ESRRG: variants seen among roughly 807,000 people sequenced by gnomAD.
ESRRG encodes estrogen-related receptor gamma.
Under a neutral mutation model 44.0 loss-of-function variants are expected in ESRRG, and 13 were observed. The observed-to-expected ratio is 0.30, with a 90% CI of 0.19 to 0.47. ESRRG has a LOEUF of 0.47. Ranked by LOEUF, ESRRG falls within the 20% of genes least tolerant of loss-of-function variation. The pLI, the probability that ESRRG is intolerant of heterozygous loss-of-function variation, is 1.00. For synonymous variants in ESRRG, 215 were observed against 214.6 expected (o/e 1.00, Z -0.02); for missense variants, 395 against 580.6 (o/e 0.68, Z 3.29).
intron 1 of ESRRG, among the ~76,000 whole-genome samples, chr1:217,061,419 G>A (rs958711443): frequency 4.6e-5 from 7 of 152,090 alleles, no homozygotes; most frequent in African/African-American, 1.7e-4. Context: ...AAACCTCACA[G>A]GAGCCATCTT....
chr1:216,709,362 TTCA>T (rs1559347369), intron 1 of ESRRG, among the ~76,000 whole-genome samples: 1 of 150,150 alleles, frequency 6.7e-6, no homozygotes, highest in African/African-American at 2.4e-5. Flanking sequence ...TATATATATA[TTCA>T]ATTTCTCTAA....
intron 3 of ESRRG, among the ~76,000 whole-genome samples, chr1:216,569,772 G>A (rs962275173): frequency 2.6e-5 from 4 of 152,178 alleles, no homozygotes; most frequent in Non-Finnish European, 5.9e-5. Flanking sequence ...GTCTCAAACT[G>A]TTTAGGAAAT....
At chr1:216,890,439 C>T (rs753212874) in intron 2 of ESRRG, among the ~76,000 whole-genome samples, 2 of 152,050 alleles carry the variant, frequency 1.3e-5, no homozygotes, top group Admixed American at 6.6e-5. Context: ...CTATGAGCTG[C>T]GGATGCAAAA....
At chr1:216,960,206 A>T (rs1388356086) in intron 1 of ESRRG, among the ~76,000 whole-genome samples, 1 of 152,044 alleles carries the variant, frequency 6.6e-6, no homozygotes, top group African/African-American at 2.4e-5. Context: ...TGGTGTTTGA[A>T]TTTTCTTTTT....
chr1:217,091,425 A>C (rs998574541), upstream of ESRRG, among the ~76,000 whole-genome samples: 2 of 152,252 alleles, frequency 1.3e-5, no homozygotes, highest in South Asian at 4.1e-4. Flanking sequence ...AGGTCGGATA[A>C]GTTTAATGAA....
At chr1:217,118,825 C>G (rs1446714692) in intron 1 of ESRRG, among the ~76,000 whole-genome samples, 4 of 151,662 alleles carry the variant, frequency 2.6e-5, no homozygotes, top group African/African-American at 9.7e-5. Context: ...GACCCCATCT[C>G]TAGAAAAAAA....
chr1:216,669,316 G>A (rs2074662435), intron 2 of ESRRG, among the ~76,000 whole-genome samples: 1 of 152,164 alleles, frequency 6.6e-6, no homozygotes, highest in Admixed American at 6.5e-5. Context: ...CTACTCATTT[G>A]TCTCAAGAAG....
chr1:216,998,800 T>A lies in ESRRG; in HGVS notation c.-105-59127A>T, dbSNP rs148384672. ...AATATAAATGGATTTATAACACATTTCAACAAATTTATACAATTTATAAAA... is the reference window on the plus strand; with the variant it reads ...AATATAAATGGATTTATAACACATTACAACAAATTTATACAATTTATAAAA... On this transcript the variant is annotated intron_variant, in intron 1 of 7. Coordinates refer to the ESRRG transcript ENST00000359162. 1.6e-3 allele frequency among the ~76,000 whole-genome samples: 242 copies of A among 152,340 alleles called. 1 individual carries two copies. The highest frequency in any genetic ancestry group is 5.7e-3 in the African/African-American group (236 of 41,596).
intron 5 of ESRRG, among the ~76,000 whole-genome samples, chr1:216,542,419 A>G (rs10863250): frequency 0.46 from 70,511 of 151,714 alleles, 17,094 homozygotes; most frequent in African/African-American, 0.6. Flanking sequence ...TCAACATGTA[A>G]TAATGAAAGA....
intron 2 of ESRRG, among the ~76,000 whole-genome samples, chr1:216,761,358 G>A (rs1224649851): frequency 6.6e-6 from 1 of 151,954 alleles, no homozygotes; most frequent in Non-Finnish European, 1.5e-5. Context: ...ATCAAACAAG[G>A]TTTTGAAAAG....
intron 1 of ESRRG, among the ~76,000 whole-genome samples, chr1:217,097,187 C>A (rs1464863766): frequency 6.6e-6 from 1 of 152,140 alleles, no homozygotes; most frequent in East Asian, 1.9e-4. Context: ...CAGTTCTTTA[C>A]ACTTTCACAG....
At chr1:217,119,452 C>A (rs1048887433) in intron 1 of ESRRG, among the ~76,000 whole-genome samples, 1 of 152,128 alleles carries the variant, frequency 6.6e-6, no homozygotes, top group Non-Finnish European at 1.5e-5. Flanking sequence ...TACATCTGCC[C>A]TAACGACTGA....
chr1:216,637,085 C>G (rs991180305), intron 3 of ESRRG, among the ~76,000 whole-genome samples: 3 of 152,056 alleles, frequency 2.0e-5, no homozygotes, highest in Non-Finnish European at 4.4e-5. Context: ...ATCTACAGAG[C>G]ATGAAAGTGA....
chr1:217,061,979 T>A (rs1177315066), intron 1 of ESRRG, among the ~76,000 whole-genome samples: 1 of 152,164 alleles, frequency 6.6e-6, no homozygotes, highest in Non-Finnish European at 1.5e-5. Context: ...GCCATCTACA[T>A]TTTAACCTAT....
chr1:216,882,429 G>A (rs1040552572), intron 2 of ESRRG, among the ~76,000 whole-genome samples: 1 of 152,046 alleles, frequency 6.6e-6, no homozygotes, highest in African/African-American at 2.4e-5. Context: ...GTTGAATGAA[G>A]TAATGAAAAA....
chr1:216,770,363 G>A (rs913472836), intron 2 of ESRRG, among the ~76,000 whole-genome samples: 3 of 152,034 alleles, frequency 2.0e-5, no homozygotes, highest in Non-Finnish European at 4.4e-5. Flanking sequence ...CCATTGTCCT[G>A]GATTCTTCTG....
At chr1:217,101,349 T>C (rs1314528637) in intron 1 of ESRRG, among the ~76,000 whole-genome samples, 3 of 152,218 alleles carry the variant, frequency 2.0e-5, no homozygotes, top group African/African-American at 7.2e-5. Context: ...AGTGAGACAA[T>C]GTATATGCAA....
intron 2 of ESRRG, among the ~76,000 whole-genome samples, chr1:216,900,476 A>G (rs2058944207): frequency 6.6e-6 from 1 of 152,204 alleles, no homozygotes; most frequent in South Asian, 2.1e-4. Flanking sequence ...TCCCTGAAGC[A>G]CTTAGAGAAT....
chr1:216,901,442 A>T (rs1195992372), intron 2 of ESRRG, among the ~76,000 whole-genome samples: 2 of 151,850 alleles, frequency 1.3e-5, no homozygotes, highest in African/African-American at 4.8e-5. Flanking sequence ...ATCACACCTC[A>T]TTGCAGCCTC....
Sources: allele counts gnomAD v4.1 joint callset (sites outside exome capture counted in the v4.1 genomes callset), GRCh38; gene constraint gnomAD v4.1.1; transcripts MANE v1.5; gene names NCBI Gene and HGNC (gene_info 2026-07-23, HGNC 2026-07-21).